The following CACNA2D4 variants were observed in gnomAD, a reference collection of about 807,000 sequenced individuals.
The protein encoded by CACNA2D4 is calcium voltage-gated channel auxiliary subunit alpha2delta 4.
In CACNA2D4, 157 loss-of-function variants were observed where a neutral mutation model predicts 163.8. The ratio of observed to expected loss-of-function variants is 0.96; its 90% confidence interval spans 0.84 to 1.09. The LOEUF (loss-of-function observed/expected upper bound fraction) is 1.09. Ranked by LOEUF, CACNA2D4 falls within the 50% of genes least tolerant of loss-of-function variation. The pLI, the probability that CACNA2D4 is intolerant of heterozygous loss-of-function variation, is 0.00. For missense variants in CACNA2D4, 1,410 were observed against 1,479.9 expected, an observed-to-expected ratio of 0.95 and a Z score of 0.78; for synonymous variants, 598 against 586.9, an observed-to-expected ratio of 1.02 and a Z score of -0.27.
chr12:1,812,118 G>A (rs528271651), intron 26 of CACNA2D4, among the ~76,000 whole-genome samples: 5 of 152,276 alleles, frequency 3.3e-5, no homozygotes, highest in East Asian at 3.9e-4. Context: ...ACCAAATCAC[G>A]TGACCAAGAG....
At chr12:1,812,529 C>T (rs937592491) in intron 26 of CACNA2D4, among the ~76,000 whole-genome samples, 1 of 152,218 alleles carries the variant, frequency 6.6e-6, no homozygotes, top group African/African-American at 2.4e-5. Context: ...AAAACTAGGC[C>T]AGCTTCCTAG....
In CACNA2D4 at chr12:1,882,788, C is replaced by A. The variant is rs76852665; in HGVS notation, c.1485+79G>T. 2,162 of 1,509,970 alleles carry A rather than the reference C, an allele frequency of 1.4e-3. 19 individuals are homozygous for A. The African/African-American group carries it at 0.026, about 18-fold the overall frequency. 93.5% of individuals were successfully genotyped at this position (1,509,970 alleles called of 1,614,324 possible). ...GTGCTAGGCCCACCCCTTTCCTGAC[C>A]CAGGAAGTAACTTCTTACTCCCTGG... On this transcript the variant is annotated intron_variant, in intron 13 of 37. Coordinates refer to ENST00000382722, the MANE Select transcript of CACNA2D4 (RefSeq NM_172364.5).
Position 1,820,100 on chromosome 12 carries a change from G to T in CACNA2D4, c.2552-8377C>A, listed in dbSNP as rs1205208011. On this transcript the variant is annotated intron_variant, in intron 26 of 37. Transcript: ENST00000382722. The surrounding 1 kb of genome is among the most constrained non-coding windows in gnomAD (Gnocchi z 6.0). ...CAGGCAGGATGGGAGACTCTGCCTCGCATGTCTCTAAAACAGGAGAAAGAC... is the reference window on the plus strand; with the variant it reads ...CAGGCAGGATGGGAGACTCTGCCTCTCATGTCTCTAAAACAGGAGAAAGAC... Among the ~76,000 whole-genome samples the T allele has an allele frequency of 2.0e-5, 3 of 152,182 alleles. No homozygotes were observed. The highest frequency in any genetic ancestry group is 2.0e-4 in the Admixed American group (3 of 15,284).
chr12:1,898,382 A>G (rs1210189845), intron 6 of CACNA2D4, among the ~76,000 whole-genome samples: 1 of 152,010 alleles, frequency 6.6e-6, no homozygotes, highest in East Asian at 1.9e-4. Context: ...CTCAACAACA[A>G]CAACAACAAC....
chr12:1,809,189 C>G (rs1316643787), intron 29 of CACNA2D4, among the ~76,000 whole-genome samples: 1 of 152,002 alleles, frequency 6.6e-6, no homozygotes, highest in Non-Finnish European at 1.5e-5. Context: ...AGTTCCTGCC[C>G]TGTTCCGACG....
At chr12:1,893,530 A>G (rs2154450117) in intron 6 of CACNA2D4, among the ~76,000 whole-genome samples, 1 of 152,188 alleles carries the variant, frequency 6.6e-6, no homozygotes, top group African/African-American at 2.4e-5. Context: ...AAAAATATAT[A>G]ATAATAATAA....
intron 23 of CACNA2D4, among the ~76,000 whole-genome samples, chr12:1,852,263 G>A (rs941071277): frequency 7.9e-5 from 12 of 152,210 alleles, no homozygotes; most frequent in East Asian, 3.9e-4. Context: ...ATAGCAATGG[G>A]GAAGTAGGCA....
At chr12:1,810,453 G>T in intron 28 of CACNA2D4, 90 bp downstream of exon 28, 1 of 1,512,768 alleles carries the variant, frequency 6.6e-7, no homozygotes, top group Admixed American at 1.9e-5. Context: ...GGGAAGGAGG[G>T]CATTTGGGAG....
intron 3 of CACNA2D4, among the ~76,000 whole-genome samples, chr12:1,911,510 C>A (rs1425413203): frequency 2.0e-5 from 3 of 152,040 alleles, no homozygotes; most frequent in Non-Finnish European, 4.4e-5. Context: ...CCTCCCCACT[C>A]TCAGCCTACA....
chr12:1,802,204 C>T lies in CACNA2D4; in HGVS notation c.2722-560G>A, dbSNP rs1205459007. On this transcript the variant is annotated intron_variant, in intron 29 of 37. Coordinates refer to ENST00000382722, the MANE Select transcript of CACNA2D4 (RefSeq NM_172364.5). This position sits in a 1 kb window ranked among gnomAD's most constrained non-coding sequence, Gnocchi z 4.7. ...CATCACCTCCCACAATCAGTGTGCC[C>T]TGTGGATCGGTCATTTGTCCCCTCC... Among the ~76,000 whole-genome samples the T allele has an allele frequency of 6.6e-6, 1 of 152,052 alleles. No individual in the cohort carries two copies. The highest frequency in any genetic ancestry group is 1.9e-4 in the East Asian group (1 of 5,176).
At chr12:1,838,786 G>A (rs1864947614) in intron 26 of CACNA2D4, among the ~76,000 whole-genome samples, 1 of 152,210 alleles carries the variant, frequency 6.6e-6, no homozygotes, top group Non-Finnish European at 1.5e-5. Context: ...GAGCTGAGAA[G>A]GCCCCCATCA....
At chr12:1,845,779 A>T (rs542123290) in intron 24 of CACNA2D4, among the ~76,000 whole-genome samples, 35 of 152,304 alleles carry the variant, frequency 2.3e-4, no homozygotes, top group Middle Eastern at 3.4e-3. Flanking sequence ...AGGGTTTCTC[A>T]GCCTTGGCAC....
At position 1,906,768 on chromosome 12, in the gene CACNA2D4, T is replaced by A. The variant is rs115991194; in HGVS notation, c.781+672A>T. On this transcript the variant is annotated intron_variant, in intron 6 of 37. Coordinates refer to ENST00000382722, the MANE Select transcript of CACNA2D4 (RefSeq NM_172364.5). ...CTATGGGAACTGCAGGAGCTCTGAG[T>A]TCCCTTGGCACTCCAAGAGAGAGAT... Among the ~76,000 whole-genome samples the A allele has an allele frequency of 3.1e-3, 467 of 152,326 alleles. 2 individuals carry two copies. The highest frequency in any genetic ancestry group is 0.01 in the African/African-American group (424 of 41,588).
At chr12:1,913,305 C>T (rs1176495429) in intron 2 of CACNA2D4, among the ~76,000 whole-genome samples, 166 bp from the exon 3 acceptor site, 2 of 152,210 alleles carry the variant, frequency 1.3e-5, no homozygotes, top group African/African-American at 4.8e-5. Context: ...ACAACATCCC[C>T]AGTGATAGAA....
At chr12:1,831,046 C>T in intron 26 of CACNA2D4, 1 of 1,614,110 alleles carries the variant, frequency 6.2e-7, no homozygotes, top group Non-Finnish European at 8.5e-7. Context: ...CTTGGCCTCA[C>T]CACGGTGCCC....
At chr12:1,873,993 G>T (rs537323459) in intron 18 of CACNA2D4, among the ~76,000 whole-genome samples, 1 of 152,338 alleles carries the variant, frequency 6.6e-6, no homozygotes, top group Admixed American at 6.5e-5. Context: ...AGGAGGAGGT[G>T]GGGGTGGCTG....
chr12:1,917,008 C>T lies in CACNA2D4; in HGVS notation c.227+1239G>A. ...GCCCACTCCTGGAGTTGGCCCTCTCCTATCAGCTGGTGTGTGTTCTGGGGA... is the reference window on the plus strand; with the variant it reads ...GCCCACTCCTGGAGTTGGCCCTCTCTTATCAGCTGGTGTGTGTTCTGGGGA... On this transcript the variant is annotated intron_variant, in intron 1 of 37. Transcript: ENST00000382722. This position sits in a 1 kb window ranked among gnomAD's most constrained non-coding sequence, Gnocchi z 4.3. Among the ~76,000 whole-genome samples the T allele has an allele frequency of 6.6e-6, 1 of 152,184 alleles. No individual in the cohort carries two copies. The highest frequency in any genetic ancestry group is 1.9e-4 in the East Asian group (1 of 5,180).
chr12:1,850,473 C>T lies in CACNA2D4; in HGVS notation c.2246+3478G>A, dbSNP rs73047927. ...AGTCTCAATTTTCAAAGTCCTTTGT[C>T]GTGAATACATAATATATAGAGTAAC... On this transcript the variant is annotated intron_variant, in intron 23 of 37. Coordinates refer to ENST00000382722, the MANE Select transcript of CACNA2D4 (RefSeq NM_172364.5). 3.8e-3 allele frequency among the ~76,000 whole-genome samples: 573 copies of T among 152,268 alleles called. 2 individuals carry two copies. The highest frequency in any genetic ancestry group is 6.4e-3 in the Non-Finnish European group (438 of 68,038).
At chr12:1,867,678 T>G (rs1217819614) in intron 18 of CACNA2D4, among the ~76,000 whole-genome samples, 1 of 152,170 alleles carries the variant, frequency 6.6e-6, no homozygotes, top group African/African-American at 2.4e-5. Flanking sequence ...CATAAAAATC[T>G]TATAAAATAT....
Sources: gnomAD v4.1 joint callset for allele counts (sites outside exome capture counted in the v4.1 genomes callset) on GRCh38, gnomAD v4.1.1 for gene constraint, Gnocchi (gnomAD v3.1) non-coding constraint, MANE v1.5 for transcripts, NCBI Gene and HGNC (gene_info 2026-07-23, HGNC 2026-07-21) for gene names.